Variants in CD99 observed in about 807,000 individuals in gnomAD.
The protein encoded by CD99 is CD99 molecule (Xg blood group).
In CD99, 19 loss-of-function variants were observed where a neutral mutation model predicts 28.4. The ratio of observed to expected loss-of-function variants is 0.67; its 90% CI spans 0.47 to 0.98. The LOEUF (loss-of-function observed/expected upper bound fraction) is 0.98, where lower values mean the gene tolerates loss of function less well. CD99 is among the 50% of genes least tolerant of loss of function. CD99 has a pLI of 0.00. For synonymous variants in CD99, 103 were observed against 92.1 expected, an observed-to-expected ratio of 1.12 and a Z score of -0.67; for missense variants, 283 against 248.8, an observed-to-expected ratio of 1.14 and a Z score of -0.92.
chrX:2,707,873 G>C (rs1403745585), intron 1 of CD99, among the ~76,000 whole-genome samples: 1 of 152,170 alleles, frequency 6.6e-6, no homozygotes, highest in African/African-American at 2.4e-5. Context: ...GAGCAAAAAG[G>C]CAAGTGGGGG....
intron 3 of CD99, among the ~76,000 whole-genome samples, chrX:2,718,173 T>C (rs1318944044): frequency 2.0e-5 from 3 of 151,904 alleles, no homozygotes; most frequent in African/African-American, 7.3e-5. Context: ...ACTCCTGACT[T>C]CAGGCAATCT....
chrX:2,705,314 G>A lies in CD99; in HGVS notation c.68-9108G>A, dbSNP rs1278556494. Among the ~76,000 whole-genome samples, 21 of 152,278 alleles carry A rather than the reference G, an allele frequency of 1.4e-4. No individual in the cohort carries two copies. The South Asian group carries it at 3.5e-3, about 26-fold the overall frequency. ...CACTGGCACACATCCTGTTACTGAC[G>A]GGAAGCTGGACCCAGCACTGGAGTA... On this transcript the variant is annotated intron_variant, in intron 1 of 9. Coordinates refer to ENST00000381192, the MANE Select transcript of CD99 (RefSeq NM_002414.5).
At chrX:2,734,105 C>G (rs1488816082) in intron 8 of CD99, among the ~76,000 whole-genome samples, 2 of 152,178 alleles carry the variant, frequency 1.3e-5, no homozygotes, top group Admixed American at 6.6e-5. Context: ...CTGAAAAACA[C>G]AAATTGTACC....
At chrX:2,694,964 A>G (rs1438982849) in intron 1 of CD99, among the ~76,000 whole-genome samples, 1 of 152,136 alleles carries the variant, frequency 6.6e-6, no homozygotes, top group East Asian at 1.9e-4. Context: ...ACTTTTCCCA[A>G]TTCAGCATTT....
chrX:2,720,497 A>G, intron 5 of CD99, 73 bp downstream of exon 5: 1 of 1,413,482 alleles, frequency 7.1e-7, no homozygotes. Context: ...AGCTGAGAGG[A>G]GGTGATTTCA....
chrX:2,722,659 G>T lies in CD99; in HGVS notation c.295G>T (p.Val99Phe). ...TTCAGATGCTGACCTTGCGGATGGCGTTTCAGGTGGAGAAGGTACAGTTAT... is the reference window on the plus strand; with the variant it reads ...TTCAGATGCTGACCTTGCGGATGGCTTTTCAGGTGGAGAAGGTACAGTTAT... ...SFSDADLADG[V>F]SGGEGKGGSD... Residue 99 changes from valine (V) to phenylalanine (F), a missense_variant, in exon 6 of 10, where the codon GTT becomes TTT. Coordinates refer to ENST00000381192, the MANE Select transcript of CD99 (RefSeq NM_002414.5). 6.2e-7 allele frequency: 1 copy of T among 1,613,914 alleles called. No individual in the cohort carries two copies. Among genetic ancestry groups the T allele is most frequent in the South Asian group, 1.1e-5 (1 of 91,068 alleles).
intron 1 of CD99, among the ~76,000 whole-genome samples, chrX:2,693,231 GT>G (rs1344130295): frequency 6.6e-6 from 1 of 150,626 alleles, no homozygotes; most frequent in African/African-American, 2.4e-5. Flanking sequence ...GCGTTGCACA[GT>G]TTTTAAACCC....
At chrX:2,715,749 T>C (rs2048676049) in intron 2 of CD99, among the ~76,000 whole-genome samples, 1 of 152,162 alleles carries the variant, frequency 6.6e-6, no homozygotes, top group Non-Finnish European at 1.5e-5. Context: ...TTCTCCCAGC[T>C]TTTGAGGGCT....
intron 1 of CD99, among the ~76,000 whole-genome samples, chrX:2,692,700 G>A (rs773111590): frequency 2.0e-5 from 3 of 152,316 alleles, no homozygotes; most frequent in South Asian, 2.1e-4. Flanking sequence ...CACCACGGAC[G>A]GGATGGCTCT....
intron 1 of CD99, among the ~76,000 whole-genome samples, chrX:2,697,105 C>G (rs1173998103): frequency 1.3e-5 from 2 of 152,100 alleles, no homozygotes; most frequent in Admixed American, 1.3e-4. Flanking sequence ...ACATGGAAAG[C>G]CTTGCTAAAG....
At chrX:2,730,759 T>C (rs1326253771) in intron 8 of CD99, among the ~76,000 whole-genome samples, 7 of 151,478 alleles carry the variant, frequency 4.6e-5, no homozygotes, top group Admixed American at 4.6e-4. Flanking sequence ...TGAAACCCCG[T>C]CTCTACTAAA....
At chrX:2,723,698 A>G (rs1005494704) in intron 7 of CD99, among the ~76,000 whole-genome samples, 4 of 152,110 alleles carry the variant, frequency 2.6e-5, no homozygotes, top group Non-Finnish European at 4.4e-5. Context: ...GAGGCTTGTG[A>G]CGCAGTATCC....
intron 8 of CD99, among the ~76,000 whole-genome samples, chrX:2,735,391 T>C (rs919809426): frequency 1.3e-5 from 2 of 151,984 alleles, no homozygotes; most frequent in Non-Finnish European, 1.5e-5. Context: ...ACAGGAAGGG[T>C]ATGTGGGTAG....
At chrX:2,740,332 T>G (rs756277327) in intron 9 of CD99, among the ~76,000 whole-genome samples, 8 of 152,246 alleles carry the variant, frequency 5.3e-5, no homozygotes, top group Admixed American at 5.2e-4. Flanking sequence ...AATTCCTTCT[T>G]CCAAATCCCA....
intron 9 of CD99, among the ~76,000 whole-genome samples, chrX:2,739,675 A>T (rs1257710500): frequency 6.7e-6 from 1 of 148,332 alleles, no homozygotes; most frequent in African/African-American, 2.5e-5. Context: ...AGTGGTCTCG[A>T]ACTCCTGACC....
chrX:2,720,379 C>A lies in CD99; in HGVS notation c.217C>A (p.Pro73Thr). The change falls in exon 5 of 10, where the codon CCC becomes ACC. Residue 73 changes from proline (P) to threonine (T), a missense_variant. Transcript: ENST00000381192. ...ENDDPRPPNP[P>T]KPMPNPNPNH... Reference sequence around the variant, plus strand: ...AGACGACCCACGACCACCGAACCCACCCAAACCGATGCCAAATCCAAACCC... The same window carrying A: ...AGACGACCCACGACCACCGAACCCAACCAAACCGATGCCAAATCCAAACCC... 6.2e-7 allele frequency: 1 copy of A among 1,613,874 alleles called. No homozygotes were observed. The highest frequency in any genetic ancestry group is 8.5e-7 in the Non-Finnish European group (1 of 1,179,852).
At chrX:2,727,545 C>T (rs1348133662) in intron 8 of CD99, among the ~76,000 whole-genome samples, 1 of 152,112 alleles carries the variant, frequency 6.6e-6, no homozygotes, top group Non-Finnish European at 1.5e-5. Flanking sequence ...GGCGCAATCT[C>T]AGCTCACTGC....
intron 1 of CD99, among the ~76,000 whole-genome samples, chrX:2,692,560 A>G (rs908773861): frequency 3.3e-5 from 5 of 152,180 alleles, no homozygotes; most frequent in Non-Finnish European, 5.9e-5. Flanking sequence ...CACTTGGTAG[A>G]GATTAGAGAT....
intron 7 of CD99, chrX:2,723,568 T>A: frequency 1.6e-6 from 1 of 636,296 alleles, no homozygotes; most frequent in Non-Finnish European, 2.9e-6. Flanking sequence ...GGTGCCCACG[T>A]GACGCGGATT....
Sources: gnomAD v4.1 joint callset for allele counts (sites outside exome capture counted in the v4.1 genomes callset) on GRCh38, gnomAD v4.1.1 for gene constraint, MANE v1.5 for transcripts, NCBI Gene and HGNC (gene_info 2026-07-23, HGNC 2026-07-21) for gene names.